The following PUS10 variants were observed in gnomAD, a reference collection of about 807,000 sequenced individuals.
PUS10 encodes pseudouridine synthase 10.
In PUS10, 59 loss-of-function variants were observed where a neutral mutation model predicts 75.0. The ratio of observed to expected loss-of-function variants is 0.79; its 90% CI spans 0.64 to 0.98. The LOEUF (loss-of-function observed/expected upper bound fraction) is 0.98, where lower values mean the gene tolerates loss of function less well. PUS10 is among the 50% of genes least tolerant of loss of function. PUS10 has a pLI of 0.00. For synonymous variants in PUS10, 219 were observed against 211.6 expected (o/e 1.03, Z -0.30); for missense variants, 650 against 614.4 (o/e 1.06, Z -0.61).
chr2:61,006,213 C>T lies in PUS10; in HGVS notation c.468+344G>A, dbSNP rs141636736. Among the ~76,000 whole-genome samples, 1,102 of 152,310 alleles carry T rather than the reference C, an allele frequency of 7.2e-3. 7 individuals carry two copies. Among genetic ancestry groups the T allele is most frequent in the Non-Finnish European group, 0.011 (770 of 68,020 alleles). On this transcript the variant is annotated intron_variant, in intron 4 of 17. Coordinates refer to ENST00000316752, the MANE Select transcript of PUS10 (RefSeq NM_144709.4). ...TATTCTAGGACTATTCTAAAATGCA[C>T]ATATCCACCTCAAAAGATCTCTGGA...
chr2:60,940,457 C>G lies in PUS10; in HGVS notation c.*1938G>C, dbSNP rs760526076. 6.6e-6 allele frequency: 1 copy of G among 152,406 alleles called. No individual in the cohort carries two copies. The highest frequency in any genetic ancestry group is 1.5e-5 in the Non-Finnish European group (1 of 68,008). The allele number at this position is 152,406 out of a possible 1,614,324, so 9.4% of individuals were successfully genotyped here. A position where few individuals can be genotyped will look rare whatever the true frequency, so the allele number is the denominator to read the frequency against. On this transcript the variant is annotated 3_prime_UTR_variant, in exon 18 of 18. Coordinates refer to ENST00000316752, the MANE Select transcript of PUS10 (RefSeq NM_144709.4). ...TGTAGGCAAAAGGGAAACTATAGTA[C>G]TCTCACTACTTAATATTTCCAGTTC...
chr2:61,009,072 C>T (rs11692067), intron 2 of PUS10, 57 bp from the exon 3 acceptor site: 1 of 1,465,898 alleles, frequency 6.8e-7, no homozygotes. Flanking sequence ...TTAAGGCTTT[C>T]TAGGTAAGAT....
chr2:60,948,335 T>C (rs1675117569), intron 15 of PUS10, 150 bp from the exon 16 acceptor site: 2 of 729,468 alleles, frequency 2.7e-6, no homozygotes, highest in East Asian at 2.5e-5. Flanking sequence ...TCAAACTCTG[T>C]GGGACTTCTC....
At position 60,962,245 on chromosome 2, in the gene PUS10, G is replaced by C. The variant is rs79742467; in HGVS notation, c.788+581C>G. Among the ~76,000 whole-genome samples, 513 of 152,238 alleles carry C rather than the reference G, an allele frequency of 3.4e-3. 3 individuals are homozygous for C. The highest frequency in any genetic ancestry group is 0.012 in the African/African-American group (492 of 41,530). Reference sequence around the variant, plus strand: ...CTTAGGCAAGTCAACTCCTTCTTTGGACACACTACCCTCTTCTAAAAGATC... The same window carrying C: ...CTTAGGCAAGTCAACTCCTTCTTTGCACACACTACCCTCTTCTAAAAGATC... On this transcript the variant is annotated intron_variant, in intron 9 of 17. Coordinates refer to ENST00000316752, the MANE Select transcript of PUS10 (RefSeq NM_144709.4).
intron 4 of PUS10, among the ~76,000 whole-genome samples, chr2:60,988,631 C>A (rs561322928): frequency 1.3e-5 from 2 of 151,570 alleles, no homozygotes; most frequent in South Asian, 2.1e-4. Flanking sequence ...TTTGAGGATG[C>A]GGTTTTTGTT....
intron 1 of PUS10, 135 bp from the exon 2 acceptor site, chr2:61,012,040 T>C (rs183354846): frequency 6.1e-5 from 30 of 491,938 alleles, no homozygotes; most frequent in African/African-American, 5.4e-4. Context: ...GCCCCTTTCA[T>C]TACACACATA....
intron 4 of PUS10, among the ~76,000 whole-genome samples, chr2:60,991,588 C>A (rs774895249): frequency 9.9e-5 from 15 of 152,152 alleles, no homozygotes; most frequent in Non-Finnish European, 1.9e-4. Flanking sequence ...TCTTGAATAG[C>A]TGGGACTACA....
At chr2:60,994,777 A>G (rs1678338617) in intron 4 of PUS10, among the ~76,000 whole-genome samples, 1 of 152,160 alleles carries the variant, frequency 6.6e-6, no homozygotes, top group Non-Finnish European at 1.5e-5. Context: ...ATAACACAGA[A>G]AGACAATAAC....
At chr2:61,000,907 C>T (rs1678809384) in intron 4 of PUS10, among the ~76,000 whole-genome samples, 1 of 152,174 alleles carries the variant, frequency 6.6e-6, no homozygotes, top group Admixed American at 6.5e-5. Flanking sequence ...AGAATAGCTG[C>T]AAGTTCTTTC....
At chr2:60,948,973 A>G (rs1675166365) in intron 15 of PUS10, among the ~76,000 whole-genome samples, 1 of 152,148 alleles carries the variant, frequency 6.6e-6, no homozygotes, top group Non-Finnish European at 1.5e-5. Context: ...CCTAATTTCC[A>G]TGGTTCTTGA....
intron 15 of PUS10, among the ~76,000 whole-genome samples, 192 bp from the exon 16 acceptor site, chr2:60,948,377 C>T (rs1486182331): frequency 2.0e-5 from 3 of 152,158 alleles, no homozygotes; most frequent in African/African-American, 7.2e-5. Flanking sequence ...CATTTCACAC[C>T]GCCATGCCCG....
rs761356820 is a variant in PUS10, at chr2:60,960,416, G to C, written c.976C>G (p.Leu326Val). Residue 326 changes from leucine to valine, a missense_variant, in exon 11 of 18, where the codon CTG (leucine) becomes GTG (valine). Leu to Val is a conservative substitution (Grantham distance 32). Transcript: ENST00000316752. The stretch of plus-strand genomic sequence containing the variant: ...CTCTCTGCTTTAAATACTGCCAACA[G>C]ATGATCTGAAATTAATTCTTCCACT... ...SSVEELISDH[L>V]LAVFKAESFN... The C allele has an allele frequency of 9.6e-6, 15 of 1,568,150 alleles. No individual in the cohort carries two copies. Among genetic ancestry groups the C allele is most frequent in the Non-Finnish European group, 1.3e-5 (15 of 1,163,744 alleles).
At chr2:60,998,847 G>T (rs1678657843) in intron 4 of PUS10, 1 of 152,088 alleles carries the variant, frequency 6.6e-6, no homozygotes, top group African/African-American at 2.4e-5. Context: ...GGTAGAAATG[G>T]TAGTGCTTTT....
chr2:60,956,008 C>T (rs1357960393), intron 11 of PUS10, among the ~76,000 whole-genome samples: 2 of 152,004 alleles, frequency 1.3e-5, no homozygotes, highest in African/African-American at 4.8e-5. Flanking sequence ...GAAACCAAAG[C>T]TGGGACCATG....
chr2:60,964,104 G>GC (rs1334384164), intron 8 of PUS10, among the ~76,000 whole-genome samples: 1 of 152,198 alleles, frequency 6.6e-6, no homozygotes, highest in Non-Finnish European at 1.5e-5. Context: ...CCAATCTGAA[G>GC]CAACTCCATC....
chr2:60,990,296 A>T (rs1018362976), intron 4 of PUS10, among the ~76,000 whole-genome samples: 2 of 152,216 alleles, frequency 1.3e-5, no homozygotes, highest in African/African-American at 4.8e-5. Context: ...GAGGACAACT[A>T]GAAAAGCTGG....
intron 4 of PUS10, among the ~76,000 whole-genome samples, chr2:61,000,445 G>A (rs1678777924): frequency 1.3e-5 from 2 of 152,082 alleles, no homozygotes. Context: ...ATTATCTTTA[G>A]GTCCCAGGTC....
chr2:61,017,833 G>A, intron 1 of PUS10, 175 bp downstream of exon 1: 1 of 1,550,554 alleles, frequency 6.4e-7, no homozygotes, highest in Non-Finnish European at 8.7e-7. Context: ...CCGGGACCAG[G>A]ACCGGGCCCC....
intron 4 of PUS10, among the ~76,000 whole-genome samples, chr2:60,990,993 T>C (rs374662976): frequency 1.3e-5 from 2 of 152,140 alleles, no homozygotes; most frequent in South Asian, 2.1e-4. Flanking sequence ...TGATCCTGAG[T>C]TGGCCCCCTA....
Sources: gnomAD v4.1 joint callset for allele counts (sites outside exome capture counted in the v4.1 genomes callset) on GRCh38, gnomAD v4.1.1 for gene constraint, MANE v1.5 for transcripts, NCBI Gene and HGNC (gene_info 2026-07-23, HGNC 2026-07-21) for gene names.